MOB3B: variants seen among roughly 807,000 people sequenced by gnomAD.
MOB3B encodes the protein MOB kinase activator-like 2B.
Under a neutral mutation model 18.7 loss-of-function variants are expected in MOB3B, and 7 were observed. The ratio of observed to expected loss-of-function variants is 0.37; its 90% CI spans 0.21 to 0.70. MOB3B has a LOEUF of 0.70. Ranked by LOEUF, MOB3B falls within the 30% of genes least tolerant of loss-of-function variation. MOB3B has a pLI of 0.52. For synonymous variants in MOB3B, 111 were observed against 99.9 expected (o/e 1.11, Z -0.66); for missense variants, 253 against 281.3 (o/e 0.90, Z 0.72).
intron 1 of MOB3B, among the ~76,000 whole-genome samples, chr9:27,517,646 T>A (rs1563888543): frequency 4.4e-4 from 1 of 2,288 alleles, no homozygotes; most frequent in East Asian, 9.1e-3. Flanking sequence ...AGACTCTGTC[T>A]CAAAAAAAAA....
chr9:27,375,393 A>G (rs1418442967), intron 2 of MOB3B, among the ~76,000 whole-genome samples: 1 of 152,242 alleles, frequency 6.6e-6, no homozygotes, highest in Non-Finnish European at 1.5e-5. Context: ...CATGGGCTTC[A>G]TGTTTTGCAA....
At position 27,375,174 on chromosome 9, in the gene MOB3B, C is replaced by G. The variant is rs562574715; in HGVS notation, c.419-15938G>C. ...GCATAGAAGATGTCTTTTGGCCATA[C>G]TGGAAAATCATTACCCTAGTAACAC... On this transcript the variant is annotated intron_variant, in intron 2 of 3. Transcript: ENST00000262244. Among the ~76,000 whole-genome samples, 19 of 152,352 alleles carry G rather than the reference C, an allele frequency of 1.2e-4. No homozygotes were observed. The South Asian group carries it at 3.9e-3, about 32-fold the overall frequency.
intron 1 of MOB3B, among the ~76,000 whole-genome samples, chr9:27,456,965 G>A (rs569344362): frequency 6.6e-6 from 1 of 152,292 alleles, no homozygotes; most frequent in South Asian, 2.1e-4. Flanking sequence ...TGATCCTCAC[G>A]AAAATCTGCT....
Position 27,529,803 on chromosome 9 carries a change from C to G in MOB3B, c.-447G>C, listed in dbSNP as rs1343915164. The stretch of plus-strand genomic sequence containing the variant: ...GCACCCAGCGCGCCGCGCAGCCGGC[C>G]GGGGCTCGACTGTCTCGCGGGGACG... On this transcript the variant is annotated 5_prime_UTR_variant, in exon 1 of 4. Coordinates refer to ENST00000262244, the MANE Select transcript of MOB3B (RefSeq NM_024761.5). 2.0e-6 allele frequency: 2 copies of G among 985,316 alleles called. No individual in the cohort carries two copies. The highest frequency in any genetic ancestry group is 2.4e-6 in the Non-Finnish European group (2 of 829,888). The allele number at this position is 985,316 out of a possible 1,614,324, so 61.0% of individuals were successfully genotyped here. A position where few individuals can be genotyped will look rare whatever the true frequency, so the allele number is the denominator to read the frequency against.
intron 3 of MOB3B, among the ~76,000 whole-genome samples, chr9:27,346,370 G>A (rs1821031326): frequency 6.6e-6 from 1 of 152,160 alleles, no homozygotes; most frequent in Non-Finnish European, 1.5e-5. Flanking sequence ...CAGACCGTAT[G>A]TGCTCAATCT....
intron 2 of MOB3B, among the ~76,000 whole-genome samples, chr9:27,368,918 T>C (rs1023965440): frequency 3.9e-5 from 6 of 152,212 alleles, no homozygotes; most frequent in Non-Finnish European, 5.9e-5. Context: ...AGCTCCCAGA[T>C]GGCTGCCTTT....
intron 2 of MOB3B, among the ~76,000 whole-genome samples, chr9:27,377,136 A>G (rs529893959): frequency 6.6e-6 from 1 of 152,360 alleles, no homozygotes; most frequent in East Asian, 1.9e-4. Flanking sequence ...ATTTTCCAAA[A>G]GGTAGAACTT....
At chr9:27,340,390 T>TC (rs201843879) in intron 3 of MOB3B, among the ~76,000 whole-genome samples, 2,353 of 152,352 alleles carry the variant, frequency 0.015, 69 homozygotes, top group African/African-American at 0.053. Context: ...ATATTCAGCC[T>TC]CCTGATTTAC....
In MOB3B at chr9:27,528,143, A is replaced by G. The variant is rs142428641; in HGVS notation, c.-199+1412T>C. On this transcript the variant is annotated intron_variant, in intron 1 of 3. Coordinates refer to ENST00000262244, the MANE Select transcript of MOB3B (RefSeq NM_024761.5). ...TCATTCCGGAGTGAACCACCACACT[A>G]CTATTTCCAGGCAACGTCATAAGGC... Among the ~76,000 whole-genome samples the G allele has an allele frequency of 6.6e-4, 101 of 152,300 alleles. 1 individual carries two copies. In the East Asian group the frequency reaches 0.018, roughly 27 times the overall value.
chr9:27,437,330 A>C (rs1187086276), intron 2 of MOB3B, among the ~76,000 whole-genome samples: 1 of 152,174 alleles, frequency 6.6e-6, no homozygotes, highest in Non-Finnish European at 1.5e-5. Context: ...GAAAAAGTAA[A>C]ATAGTTCTAA....
At chr9:27,377,131 C>T (rs1238725039) in intron 2 of MOB3B, among the ~76,000 whole-genome samples, 1 of 152,114 alleles carries the variant, frequency 6.6e-6, no homozygotes, top group Admixed American at 6.5e-5. Flanking sequence ...ATGGTATTTT[C>T]CAAAAGGTAG....
At chr9:27,438,264 A>G (rs1822542299) in intron 2 of MOB3B, among the ~76,000 whole-genome samples, 3 of 152,256 alleles carry the variant, frequency 2.0e-5, no homozygotes, top group African/African-American at 7.2e-5. Context: ...GGGCACTAGC[A>G]GCTGGAAGGT....
In MOB3B at chr9:27,420,314, C is replaced by A. The variant is rs1822222594; in HGVS notation, c.418+34819G>T. 2.0e-5 allele frequency among the ~76,000 whole-genome samples: 3 copies of A among 151,782 alleles called. No individual in the cohort carries two copies. The South Asian group carries it at 6.2e-4, about 32-fold the overall frequency. ...GCAATCTCACTACTGGGTATCTACCCAGGGGAAAAGAAGTCATTATTCGAA... is the reference window on the plus strand; with the variant it reads ...GCAATCTCACTACTGGGTATCTACCAAGGGGAAAAGAAGTCATTATTCGAA... On this transcript the variant is annotated intron_variant, in intron 2 of 3. Transcript: ENST00000262244.
chr9:27,457,701 T>C (rs910448367), intron 1 of MOB3B, among the ~76,000 whole-genome samples: 2 of 148,416 alleles, frequency 1.3e-5, no homozygotes, highest in African/African-American at 5.0e-5. Flanking sequence ...GTTTTTTTTT[T>C]CCTATTCACA....
intron 2 of MOB3B, among the ~76,000 whole-genome samples, chr9:27,413,322 T>C (rs1206316375): frequency 6.6e-6 from 1 of 151,898 alleles, no homozygotes; most frequent in Non-Finnish European, 1.5e-5. Flanking sequence ...GTTACTGAAA[T>C]GGGACTTTTT....
chr9:27,487,132 A>AAAATAAATAAATAGAT, intron 1 of MOB3B, among the ~76,000 whole-genome samples: 1 of 145,246 alleles, frequency 6.9e-6, no homozygotes, highest in South Asian at 2.2e-4. Context: ...TTCTGTCTCA[A>AAAATAAATAAATAGAT]AAATAAATAA....
At position 27,418,588 on chromosome 9, in the gene MOB3B, G is replaced by A. The variant is rs540802395; in HGVS notation, c.418+36545C>T. Among the ~76,000 whole-genome samples the A allele has an allele frequency of 1.7e-4, 26 of 152,260 alleles. No homozygotes were observed. In the South Asian group the frequency reaches 4.4e-3, roughly 26 times the overall value. ...ACAGAATTAAAAACAAAAATCATAT[G>A]ATCATCTCAATAGATGCAGAAAAAG... On this transcript the variant is annotated intron_variant, in intron 2 of 3. Coordinates refer to ENST00000262244, the MANE Select transcript of MOB3B (RefSeq NM_024761.5).
At chr9:27,359,338 A>C in intron 2 of MOB3B, 102 bp from the exon 3 acceptor site, 1 of 727,484 alleles carries the variant, frequency 1.4e-6, no homozygotes, top group Non-Finnish European at 2.1e-6. Flanking sequence ...CTACAGGGAG[A>C]CTGGCACCCG....
intron 1 of MOB3B, among the ~76,000 whole-genome samples, chr9:27,471,008 C>G (rs1819462669): frequency 6.6e-6 from 1 of 152,184 alleles, no homozygotes; most frequent in African/African-American, 2.4e-5. Flanking sequence ...CCTTCTCACC[C>G]TGAACCATCT....
Sources: gnomAD v4.1 joint callset for allele counts (sites outside exome capture counted in the v4.1 genomes callset) on GRCh38, gnomAD v4.1.1 for gene constraint, MANE v1.5 for transcripts, NCBI Gene and HGNC (gene_info 2026-07-23, HGNC 2026-07-21) for gene names.